MCF2: variants seen among roughly 807,000 people sequenced by gnomAD.
MCF2 encodes proto-oncogene DBL.
Under a neutral mutation model 82.5 loss-of-function variants are expected in MCF2, and 44 were observed. The observed-to-expected ratio is 0.53, with a 90% CI of 0.42 to 0.69. MCF2 has a LOEUF of 0.69. Ranked by LOEUF, MCF2 falls within the 30% of genes least tolerant of loss-of-function variation. The pLI is 0.00. For synonymous variants in MCF2, 217 were observed against 224.9 expected, an observed-to-expected ratio of 0.96 and a Z score of 0.32; for missense variants, 623 against 663.1, an observed-to-expected ratio of 0.94 and a Z score of 0.66.
intron 1 of MCF2, among the ~76,000 whole-genome samples, chrX:139,700,508 GA>G (rs1935470227): frequency 9.0e-6 from 1 of 111,715 alleles, no homozygotes; most frequent in South Asian, 3.8e-4. Flanking sequence ...CTTGTAGTTG[GA>G]GGAGAGTTTC....
At chrX:139,598,132 G>T (rs1466811799) in intron 17 of MCF2, among the ~76,000 whole-genome samples, 1 of 111,686 alleles carries the variant, frequency 9.0e-6, no homozygotes, top group Non-Finnish European at 1.9e-5. Flanking sequence ...AATATTTAAA[G>T]TTCTTCAGTA....
chrX:139,693,990 T>C (rs1292103120), intron 1 of MCF2, among the ~76,000 whole-genome samples: 1 of 112,059 alleles, frequency 8.9e-6, no homozygotes, highest in Non-Finnish European at 1.9e-5. Context: ...TACATGTGTA[T>C]GGGGATAGAA....
chrX:139,677,359 C>T (rs1431432463), intron 1 of MCF2, among the ~76,000 whole-genome samples: 2 of 111,584 alleles, frequency 1.8e-5, no homozygotes, highest in African/African-American at 3.3e-5. Context: ...GACCCTCTTC[C>T]AAGTGTACTT....
chrX:139,673,163 C>A (rs1212327199), intron 1 of MCF2, among the ~76,000 whole-genome samples: 6 of 111,309 alleles, frequency 5.4e-5, no homozygotes, highest in Non-Finnish European at 1.1e-4. Context: ...GTGGTGATAT[C>A]CCCCTTATCA....
At chrX:139,663,572 CTTTG>C (rs1487904208) in intron 1 of MCF2, among the ~76,000 whole-genome samples, 51 of 102,625 alleles carry the variant, frequency 5.0e-4, no homozygotes, top group Non-Finnish European at 8.8e-4. Flanking sequence ...CAATAGTTTG[CTTTG>C]TTTTTTTTTT....
At chrX:139,650,903 T>G (rs2148526111) in intron 2 of MCF2, among the ~76,000 whole-genome samples, 1 of 111,960 alleles carries the variant, frequency 8.9e-6, no homozygotes, top group Admixed American at 9.5e-5. Context: ...CTTGAAGACC[T>G]TATGCTAAGT....
intron 1 of MCF2, among the ~76,000 whole-genome samples, chrX:139,690,724 A>C (rs1430266049): frequency 9.0e-6 from 1 of 111,690 alleles, no homozygotes; most frequent in Non-Finnish European, 1.9e-5. Flanking sequence ...TGTTGTGGCT[A>C]TCTGATTTGT....
intron 19 of MCF2, among the ~76,000 whole-genome samples, chrX:139,592,184 CATT>C (rs202150982): frequency 0.016 from 1,801 of 111,640 alleles, 32 homozygotes; most frequent in African/African-American, 0.055. Context: ...GGATACTTGG[CATT>C]ACTGGGGAAC....
intron 1 of MCF2, among the ~76,000 whole-genome samples, chrX:139,707,216 T>TG (rs2148592131): frequency 9.1e-6 from 1 of 110,195 alleles, no homozygotes; most frequent in South Asian, 3.9e-4. Flanking sequence ...TCAAGAACCT[T>TG]GCATATCAGA....
intron 24 of MCF2, among the ~76,000 whole-genome samples, chrX:139,584,391 G>A (rs1322291003): frequency 1.8e-5 from 2 of 110,793 alleles, no homozygotes; most frequent in Non-Finnish European, 3.8e-5. Context: ...GGGCACCAAG[G>A]AGCACTCTAC....
chrX:139,614,990 C>T, exon 10 of MCF2: 1 of 1,208,015 alleles, frequency 8.3e-7, no homozygotes, highest in Non-Finnish European at 1.1e-6. Context: ...TGAAACCAGC[C>T]TGCTGGTTCT....
chrX:139,635,967 A>C (rs1437193024), intron 1 of MCF2, among the ~76,000 whole-genome samples: 1 of 111,589 alleles, frequency 9.0e-6, no homozygotes, highest in Non-Finnish European at 1.9e-5. Flanking sequence ...GAGAACATGC[A>C]GTATTTAAGG....
intron 24 of MCF2, among the ~76,000 whole-genome samples, chrX:139,584,749 AT>A (rs949022342): frequency 3.6e-5 from 4 of 111,559 alleles, no homozygotes; most frequent in African/African-American, 9.8e-5. Flanking sequence ...TTGTTCTCTG[AT>A]TTTATTTCAC....
intron 13 of MCF2, 53 bp downstream of exon 17, chrX:139,605,660 T>C (rs1930937124): frequency 1.9e-6 from 2 of 1,043,690 alleles, no homozygotes; most frequent in Non-Finnish European, 2.6e-6. Context: ...CTAATGAATG[T>C]AGCAAGGGAT....
At chrX:139,603,617 C>T (rs372461847) in intron 15 of MCF2, among the ~76,000 whole-genome samples, 16 of 111,968 alleles carry the variant, frequency 1.4e-4, no homozygotes, top group East Asian at 5.7e-4. Context: ...GGGCAGATCA[C>T]GAGGTCAGGA....
chrX:139,665,217 A>G (rs1250991918), intron 1 of MCF2, among the ~76,000 whole-genome samples: 1 of 111,104 alleles, frequency 9.0e-6, no homozygotes, highest in African/African-American at 3.3e-5. Flanking sequence ...CCCCAAGTCC[A>G]CTGGCTCTGA....
At chrX:139,646,761 T>C, upstream of MCF2, 1 of 835,857 alleles carries the variant, frequency 1.2e-6, no homozygotes, top group Non-Finnish European at 1.7e-6. Context: ...ATAAAGCGAA[T>C]TGAAAAAAAT....
chrX:139,643,586 T>A (rs1485920668), upstream of MCF2, among the ~76,000 whole-genome samples: 1 of 111,012 alleles, frequency 9.0e-6, no homozygotes, highest in Non-Finnish European at 1.9e-5. Flanking sequence ...TACCCCTCCC[T>A]TGCCCAGCAC....
exon 24 of MCF2, chrX:139,585,121 C>T (rs922944323): frequency 1.7e-6 from 2 of 1,206,653 alleles, no homozygotes; most frequent in South Asian, 1.8e-5. Context: ...GAAATAGTTG[C>T]TTGACCATTC....
Sources: allele counts gnomAD v4.1 joint callset (sites outside exome capture counted in the v4.1 genomes callset), GRCh38; gene constraint gnomAD v4.1.1; transcripts MANE v1.5; gene names NCBI Gene and HGNC (gene_info 2026-07-23, HGNC 2026-07-21).